The following URGCP variants were observed in gnomAD, a reference collection of about 807,000 sequenced individuals.
The protein encoded by URGCP is upregulator of cell proliferation, also known as up-regulator of cell proliferation.
Under a neutral mutation model 24.6 loss-of-function variants are expected in URGCP, and 13 were observed. That is an observed-to-expected ratio of 0.53 (90% CI 0.34 to 0.84). The LOEUF (loss-of-function observed/expected upper bound fraction) is 0.84. Ranked by LOEUF, URGCP falls within the 40% of genes least tolerant of loss-of-function variation. The probability of loss-of-function intolerance (pLI) is 0.01; values close to 1 mark genes in which losing one functional copy is unlikely to be tolerated. For missense variants in URGCP, 899 were observed against 1,194.3 expected (o/e 0.75, Z 3.64); for synonymous variants, 444 against 487.2 (o/e 0.91, Z 1.17).
rs1034253351 is a variant in URGCP, at chr7:43,878,622, C to A, written c.841G>T (p.Ala281Ser). 2 of 1,613,604 alleles carry A rather than the reference C, an allele frequency of 1.2e-6. No homozygotes were observed. The highest frequency in any genetic ancestry group is 1.7e-6 in the Non-Finnish European group (2 of 1,180,050). ...TGCCTGTGGCCCGGGCTGAGGACGG[C>A]GTTGAGAAGCTGGGACTTGGAGTTG... The part of the protein sequence containing the change: ...SSNSKSQLLN[A>S]VLSPGHRQWD... Residue 281 changes from alanine (A) to serine (S), a missense_variant, in exon 6 of 6, where the codon GCC (alanine) becomes TCC (serine). Physicochemically the swap from Ala to Ser is moderately conservative, Grantham distance 99. Transcript: ENST00000453200. The surrounding 1 kb of genome is among the most constrained non-coding windows in gnomAD (Gnocchi z 5.6).
In URGCP at chr7:43,878,668, G is replaced by C; in HGVS notation, c.795C>G (p.Phe265Leu). The C allele has an allele frequency of 1.9e-6, 3 of 1,613,488 alleles. No homozygotes were observed. The highest frequency in any genetic ancestry group is 2.5e-6 in the Non-Finnish European group (3 of 1,180,042). ...VVLSRAPAFAFVRMDVSSNSK... is the reference protein window; with the variant it reads ...VVLSRAPAFALVRMDVSSNSK... ...AGTTGCTACTGACGTCCATGCGCACGAAGGCGAAGGCGGGCGCCCTGGACA... is the reference window on the plus strand; with the variant it reads ...AGTTGCTACTGACGTCCATGCGCACCAAGGCGAAGGCGGGCGCCCTGGACA... Residue 265 changes from phenylalanine (F) to leucine (L), a missense_variant, in exon 6 of 6, where the codon TTC (phenylalanine) becomes TTG (leucine). Transcript: ENST00000453200. This position sits in a 1 kb window ranked among gnomAD's most constrained non-coding sequence, Gnocchi z 5.6.
chr7:43,880,237 A>C (rs1195373743), intron 5 of URGCP, among the ~76,000 whole-genome samples: 1 of 152,134 alleles, frequency 6.6e-6, no homozygotes, highest in Non-Finnish European at 1.5e-5. Context: ...TGCAGTTTTA[A>C]ATTTTAAATG....
At chr7:43,899,917 T>C (rs536700633) in intron 1 of URGCP, among the ~76,000 whole-genome samples, 219 of 152,272 alleles carry the variant, frequency 1.4e-3, no homozygotes, top group African/African-American at 4.9e-3. Flanking sequence ...GGAGGCTCTC[T>C]GGAGCCCAAG....
Position 43,920,058 on chromosome 7 carries a change from G to A in URGCP, c.-116+6074C>T. On this transcript the variant is annotated intron_variant, in intron 1 of 5. Coordinates refer to the URGCP transcript ENST00000426198. ...ATCTCCTGGGGCACCCAGGAGCAGT[G>A]AGTCCCCTAGGACAGGGACCCTCAT... 7 of 1,301,814 alleles carry A rather than the reference G, an allele frequency of 5.4e-6. No homozygotes were observed. In the South Asian group the frequency reaches 7.3e-5, roughly 13 times the overall value. The allele number at this position is 1,301,814 out of a possible 1,614,324, so 80.6% of individuals were successfully genotyped here.
At chr7:43,911,665 C>A (rs892123848) in intron 1 of URGCP, among the ~76,000 whole-genome samples, 1 of 152,152 alleles carries the variant, frequency 6.6e-6, no homozygotes, top group African/African-American at 2.4e-5. Flanking sequence ...TCATTGCACT[C>A]CATCCTGGGC....
intron 1 of URGCP, among the ~76,000 whole-genome samples, chr7:43,915,893 C>T (rs1208281639): frequency 6.6e-6 from 1 of 152,156 alleles, no homozygotes; most frequent in Non-Finnish European, 1.5e-5. Flanking sequence ...CCTGTAATCT[C>T]AGCTACTCGG....
chr7:43,906,615 T>C, upstream of URGCP: 1 of 1,181,762 alleles, frequency 8.5e-7, no homozygotes, highest in African/African-American at 1.6e-5. Flanking sequence ...CTTCGCTTCC[T>C]CCGCGCGGCC....
rs1470590241 is a variant in URGCP, at chr7:43,906,544, C to T, written c.14+18G>A. 3 of 1,233,244 alleles carry T rather than the reference C, an allele frequency of 2.4e-6. No individual in the cohort carries two copies. In the African/African-American group the frequency reaches 4.7e-5, roughly 20 times the overall value. 76.4% of individuals were successfully genotyped at this position (1,233,244 alleles called of 1,614,324 possible). On this transcript the variant is annotated intron_variant, in intron 1 of 5. Transcript: ENST00000453200. Reference sequence around the variant, plus strand: ...GCCGGCAGCCGCGGGGGCGCAGGGCCTGCGAGGCGGCACTCACCCGGGCGA... The same window carrying T: ...GCCGGCAGCCGCGGGGGCGCAGGGCTTGCGAGGCGGCACTCACCCGGGCGA...
At chr7:43,906,296 C>T in intron 1 of URGCP, 1 of 171,356 alleles carries the variant, frequency 5.8e-6, no homozygotes, top group Non-Finnish European at 1.2e-5. Flanking sequence ...CCCCGGATCC[C>T]CTAGGCCCGC....
intron 5 of URGCP, among the ~76,000 whole-genome samples, chr7:43,880,767 C>T (rs2095852571): frequency 6.6e-6 from 1 of 152,240 alleles, no homozygotes; most frequent in Non-Finnish European, 1.5e-5. Flanking sequence ...ATACAAATTC[C>T]ACTGCCCTGC....
chr7:43,914,065 T>C (rs938955920), intron 1 of URGCP, among the ~76,000 whole-genome samples: 18 of 152,186 alleles, frequency 1.2e-4, no homozygotes, highest in Admixed American at 1.2e-3. Context: ...AGTGGCGTGA[T>C]ATTAGCTCAA....
At chr7:43,923,405 A>G (rs2095924885) in intron 1 of URGCP, among the ~76,000 whole-genome samples, 1 of 150,298 alleles carries the variant, frequency 6.7e-6, no homozygotes, top group Non-Finnish European at 1.5e-5. Context: ...TCATACCTCA[A>G]CCTCCCGAAT....
Position 43,877,813 on chromosome 7 carries a change from C to A in URGCP, c.1650G>T (p.Glu550Asp). Residue 550 changes from glutamate to aspartate, a missense_variant, in exon 6 of 6, where the codon GAG (glutamate) becomes GAT (aspartate). Transcript: ENST00000453200. The part of the protein sequence containing the change: ...NGHDPSSGVQ[E>D]FISGISSPSL... ...AGGGGCTGCTGATCCCCGAGATGAA[C>A]TCCTGCACCCCCGAGGAGGGATCAT... 1.2e-6 allele frequency: 2 copies of A among 1,606,154 alleles called. No individual in the cohort carries two copies. Among genetic ancestry groups the A allele is most frequent in the South Asian group, 1.1e-5 (1 of 90,298 alleles).
intron 1 of URGCP, chr7:43,919,569 C>G (rs2095919737): frequency 7.0e-7 from 1 of 1,418,904 alleles, no homozygotes; most frequent in Non-Finnish European, 1.0e-6. Flanking sequence ...GACCATGGTC[C>G]TGGATGTCAT....
At position 43,877,445 on chromosome 7, in the gene URGCP, C is replaced by T. The variant is rs201686582; in HGVS notation, c.2018G>A (p.Arg673His). The T allele has an allele frequency of 4.4e-5, 71 of 1,613,598 alleles. No individual in the cohort carries two copies. In the East Asian group the frequency reaches 1.2e-3, roughly 28 times the overall value. ...IDGSTLSMPVRWVTGLLKELH... is the reference protein window; with the variant it reads ...IDGSTLSMPVHWVTGLLKELH... ...CTCCTTCAGGAGCCCTGTGACCCAG[C>T]GGACGGGCATGCTCAGCGTGCTCCC... The change falls in exon 6 of 6, where the codon CGC (arginine) becomes CAC (histidine). Residue 673 changes from arginine (R) to histidine (H), a missense_variant. By Grantham distance (29) the Arg-to-His change is conservative. Transcript: ENST00000453200.
At chr7:43,891,968 G>C (rs939649115) in intron 1 of URGCP, among the ~76,000 whole-genome samples, 1 of 152,130 alleles carries the variant, frequency 6.6e-6, no homozygotes, top group Non-Finnish European at 1.5e-5. Context: ...TTTTAGTAGA[G>C]ATGCGGTTTC....
chr7:43,881,387 A>G (rs1346649799), intron 5 of URGCP: 1 of 616,366 alleles, frequency 1.6e-6, no homozygotes, highest in African/African-American at 1.9e-5. Flanking sequence ...TTTCACCTCC[A>G]AACATGCTAA....
chr7:43,926,347 C>G (rs943228372), exon 1 of URGCP: 1 of 285,242 alleles, frequency 3.5e-6, no homozygotes. Flanking sequence ...GTAACCCGGG[C>G]AGCCCCGCTG....
rs2095849430 is a variant in URGCP, at chr7:43,878,751, T to A, written c.712A>T (p.Thr238Ser). 6.2e-7 allele frequency: 1 copy of A among 1,614,024 alleles called. No homozygotes were observed. The highest frequency in any genetic ancestry group is 1.1e-5 in the South Asian group (1 of 91,082). The change falls in exon 6 of 6, where the codon ACA (threonine) becomes TCA (serine). Residue 238 changes from threonine to serine, a missense_variant. By Grantham distance (58) the Thr-to-Ser change is moderately conservative. Coordinates refer to ENST00000453200, the MANE Select transcript of URGCP (RefSeq NM_001077663.3). This position sits in a 1 kb window ranked among gnomAD's most constrained non-coding sequence, Gnocchi z 5.6. ...LLWAMRGIVR[T>S]WWSQPPRGMG... ...CCCCTTGGGGGCTGGGACCACCATGTCCTCACAATGCCCCGCATGGCCCAC... is the reference window on the plus strand; with the variant it reads ...CCCCTTGGGGGCTGGGACCACCATGACCTCACAATGCCCCGCATGGCCCAC...
Sources: gnomAD v4.1 joint callset for allele counts (sites outside exome capture counted in the v4.1 genomes callset) on GRCh38, gnomAD v4.1.1 for gene constraint, Gnocchi (gnomAD v3.1) non-coding constraint, MANE v1.5 for transcripts, NCBI Gene and HGNC (gene_info 2026-07-23, HGNC 2026-07-21) for gene names.